Variants in SLC9A7 observed in about 807,000 individuals in gnomAD.
SLC9A7 encodes the protein solute carrier family 9 member A7, also known as sodium/hydrogen exchanger 7.
A neutral mutation model predicts 52.6 loss-of-function variants in SLC9A7; 19 were observed. That is an observed-to-expected ratio of 0.36 (90% CI 0.25 to 0.53). The LOEUF is 0.53. Ranked by LOEUF, SLC9A7 falls within the 20% of genes least tolerant of loss-of-function variation. SLC9A7 has a pLI of 0.91. For synonymous variants in SLC9A7, 226 were observed against 252.1 expected (o/e 0.90, Z 0.98); for missense variants, 455 against 597.9 (o/e 0.76, Z 2.49).
chrX:46,654,360 G>A (rs928880431), intron 7 of SLC9A7, among the ~76,000 whole-genome samples: 7 of 110,804 alleles, frequency 6.3e-5, no homozygotes, highest in Admixed American at 9.6e-5. Context: ...TCCAGCCTGG[G>A]TGACAGAGTG....
chrX:46,661,121 A>G (rs1370830493), intron 7 of SLC9A7, among the ~76,000 whole-genome samples: 1 of 110,437 alleles, frequency 9.1e-6, no homozygotes, highest in Admixed American at 9.7e-5. Context: ...CTATCGCAAG[A>G]ACAAAAAACC....
At chrX:46,607,984 C>T (rs1942780263) in intron 16 of SLC9A7, among the ~76,000 whole-genome samples, 1 of 112,356 alleles carries the variant, frequency 8.9e-6, no homozygotes, top group Non-Finnish European at 1.9e-5. Context: ...GTGTCAAATA[C>T]GCTGGGTAAA....
At chrX:46,616,156 TAAA>T (rs775387259) in intron 15 of SLC9A7, among the ~76,000 whole-genome samples, 1 of 84,050 alleles carries the variant, frequency 1.2e-5, no homozygotes. Flanking sequence ...CCTCATCTCT[TAAA>T]AAAAAAAAAA....
chrX:46,659,966 A>G (rs912121371), intron 7 of SLC9A7, among the ~76,000 whole-genome samples: 1 of 110,985 alleles, frequency 9.0e-6, no homozygotes, highest in African/African-American at 3.3e-5. Context: ...CTGACTTCAA[A>G]CTATACTACA....
At chrX:46,709,846 G>A (rs760303728) in intron 1 of SLC9A7, among the ~76,000 whole-genome samples, 15 of 112,163 alleles carry the variant, frequency 1.3e-4, no homozygotes, top group African/African-American at 4.5e-4. Context: ...AGAAGGGAGG[G>A]CACCTCAACA....
intron 1 of SLC9A7, among the ~76,000 whole-genome samples, chrX:46,751,869 G>A (rs1556288452): frequency 9.0e-6 from 1 of 111,729 alleles, no homozygotes; most frequent in Admixed American, 9.5e-5. Flanking sequence ...CTTCACCTCA[G>A]GTAAACTAAT....
At chrX:46,641,148 G>A (rs1030151821) in intron 12 of SLC9A7, among the ~76,000 whole-genome samples, 1 of 112,377 alleles carries the variant, frequency 8.9e-6, no homozygotes, top group Non-Finnish European at 1.9e-5. Flanking sequence ...CCTTCGAGGG[G>A]TAAATGGTTA....
chrX:46,732,553 GAAAA>G (rs201154560), intron 1 of SLC9A7, among the ~76,000 whole-genome samples: 1 of 89,516 alleles, frequency 1.1e-5, no homozygotes, highest in African/African-American at 4.0e-5. Context: ...ACTGTCTCAA[GAAAA>G]AAAAAAAAAA....
intron 1 of SLC9A7, among the ~76,000 whole-genome samples, chrX:46,726,646 G>A (rs926281995): frequency 3.6e-5 from 4 of 111,578 alleles, no homozygotes; most frequent in Admixed American, 2.9e-4. Flanking sequence ...GAGACCAAGC[G>A]GCAACCAGAG....
At chrX:46,748,636 T>C (rs1278452477) in intron 1 of SLC9A7, among the ~76,000 whole-genome samples, 1 of 108,386 alleles carries the variant, frequency 9.2e-6, no homozygotes, top group Non-Finnish European at 1.9e-5. Flanking sequence ...AGTTCATATA[T>C]GGGCTATACA....
intron 12 of SLC9A7, among the ~76,000 whole-genome samples, chrX:46,639,068 A>G (rs1348337722): frequency 1.8e-5 from 2 of 112,480 alleles, no homozygotes; most frequent in Non-Finnish European, 3.8e-5. Context: ...AAAGTAATCA[A>G]TGTAATTCAC....
At chrX:46,609,921 G>A (rs981471239) in intron 16 of SLC9A7, among the ~76,000 whole-genome samples, 7 of 110,000 alleles carry the variant, frequency 6.4e-5, no homozygotes, top group Non-Finnish European at 9.5e-5. Context: ...CCAGCTACTC[G>A]GGAGGCTGAG....
chrX:46,613,823 C>T (rs73200262), intron 15 of SLC9A7, among the ~76,000 whole-genome samples: 187 of 111,773 alleles, frequency 1.7e-3, no homozygotes, highest in Non-Finnish European at 2.9e-3. Context: ...GCATGGATTC[C>T]TGTTAAACCA....
chrX:46,606,912 T>C lies in SLC9A7; in HGVS notation c.*40A>G. ...AGGGCTTGCAGCTGTCCTCACCCCA[T>C]CGGGAGCCTACCCCATCGCGCCAGG... On this transcript the variant is annotated 3_prime_UTR_variant, in exon 17 of 17. Transcript: ENST00000616978. 2.5e-6 allele frequency: 3 copies of C among 1,209,043 alleles called. No individual in the cohort carries two copies. The highest frequency in any genetic ancestry group is 3.4e-6 in the Non-Finnish European group (3 of 893,831).
chrX:46,632,403 C>T (rs1050898346), intron 13 of SLC9A7, among the ~76,000 whole-genome samples: 1 of 111,593 alleles, frequency 9.0e-6, no homozygotes, highest in African/African-American at 3.3e-5. Context: ...TGGCCAGAAC[C>T]GAACATCTGA....
At chrX:46,692,100 A>G (rs971419023) in intron 1 of SLC9A7, among the ~76,000 whole-genome samples, 2 of 111,491 alleles carry the variant, frequency 1.8e-5, no homozygotes, top group African/African-American at 6.5e-5. Flanking sequence ...TTTTCTTTTA[A>G]TAAGAATTAA....
chrX:46,713,469 C>A (rs1944721234), intron 1 of SLC9A7, among the ~76,000 whole-genome samples: 1 of 108,716 alleles, frequency 9.2e-6, no homozygotes, highest in Non-Finnish European at 1.9e-5. Context: ...CCATTGCACT[C>A]CAGCCTGGGC....
chrX:46,687,776 TCA>T (rs753255491), intron 1 of SLC9A7, among the ~76,000 whole-genome samples: 1 of 112,430 alleles, frequency 8.9e-6, no homozygotes, highest in African/African-American at 3.2e-5. Context: ...TTTAGTATAT[TCA>T]CAGAGTTGCA....
At chrX:46,653,863 T>A in intron 7 of SLC9A7, 149 bp from the exon 8 acceptor site, 5 of 407,048 alleles carry the variant, frequency 1.2e-5, no homozygotes, top group Non-Finnish European at 2.2e-5. Context: ...TGCTGGAGAT[T>A]TCTTAAGTAA....
Sources: gnomAD v4.1 joint callset for allele counts (sites outside exome capture counted in the v4.1 genomes callset) on GRCh38, gnomAD v4.1.1 for gene constraint, MANE v1.5 for transcripts, NCBI Gene and HGNC (gene_info 2026-07-23, HGNC 2026-07-21) for gene names.